The following CDH12 variants were observed in gnomAD, a reference collection of about 807,000 sequenced individuals.
CDH12 encodes the protein cadherin 12, also known as cadherin-12.
Under a neutral mutation model 74.1 loss-of-function variants are expected in CDH12, and 41 were observed. The ratio of observed to expected loss-of-function variants is 0.55; its 90% CI spans 0.43 to 0.72. The LOEUF is 0.72. CDH12 is among the 30% of genes least tolerant of loss of function. CDH12 has a pLI of 0.00. For synonymous variants in CDH12, 399 were observed against 355.0 expected (o/e 1.12, Z -1.39); for missense variants, 945 against 977.2 (o/e 0.97, Z 0.44).
intron 6 of CDH12, among the ~76,000 whole-genome samples, chr5:21,906,121 A>G (rs1753630459): frequency 6.6e-6 from 1 of 152,166 alleles, no homozygotes; most frequent in Admixed American, 6.6e-5. Flanking sequence ...TATCTAAATT[A>G]TTTTTAAAGA....
At chr5:22,643,730 T>C (rs1048076172) in intron 1 of CDH12, among the ~76,000 whole-genome samples, 1 of 136,530 alleles carries the variant, frequency 7.3e-6, no homozygotes, top group Non-Finnish European at 1.6e-5. Context: ...GATTTTAAGG[T>C]ATCTTTTTTT....
intron 8 of CDH12, among the ~76,000 whole-genome samples, chr5:21,841,805 C>A (rs886762147): frequency 1.6e-4 from 22 of 138,954 alleles, no homozygotes; most frequent in Non-Finnish European, 3.3e-4. Flanking sequence ...GGGAATTGAA[C>A]AATGAGAACA....
At chr5:22,528,478 G>A (rs892771100) in intron 1 of CDH12, among the ~76,000 whole-genome samples, 1 of 152,056 alleles carries the variant, frequency 6.6e-6, no homozygotes, top group Non-Finnish European at 1.5e-5. Flanking sequence ...AACTTGCATT[G>A]TAATTCAGAA....
At chr5:22,743,535 A>G (rs938067552) in intron 1 of CDH12, among the ~76,000 whole-genome samples, 5 of 152,026 alleles carry the variant, frequency 3.3e-5, no homozygotes, top group Admixed American at 1.3e-4. Context: ...GATTTTTAGC[A>G]TTCTCATTTG....
At chr5:22,454,307 T>A (rs747756113) in intron 2 of CDH12, among the ~76,000 whole-genome samples, 1 of 152,180 alleles carries the variant, frequency 6.6e-6, no homozygotes, top group Non-Finnish European at 1.5e-5. Context: ...TTTTACTGAA[T>A]GTAAGACTAC....
chr5:21,877,129 TGAG>T (rs1380817655), intron 6 of CDH12, among the ~76,000 whole-genome samples: 2 of 151,886 alleles, frequency 1.3e-5, no homozygotes, highest in South Asian at 2.1e-4. Context: ...CTTGAACCCA[TGAG>T]GAGAAGGTTG....
intron 4 of CDH12, among the ~76,000 whole-genome samples, chr5:22,097,338 C>G (rs1290349165): frequency 2.0e-5 from 3 of 152,206 alleles, no homozygotes; most frequent in Non-Finnish European, 4.4e-5. Flanking sequence ...CCGATCGCCT[C>G]AGAAGCCCCC....
At chr5:22,112,377 C>T (rs370734849) in intron 4 of CDH12, among the ~76,000 whole-genome samples, 14 of 152,218 alleles carry the variant, frequency 9.2e-5, no homozygotes, top group African/African-American at 3.4e-4. Flanking sequence ...CATACGCACA[C>T]ACATTTCTCT....
intron 2 of CDH12, among the ~76,000 whole-genome samples, chr5:22,466,067 A>C (rs1246239056): frequency 6.6e-6 from 1 of 152,054 alleles, no homozygotes; most frequent in African/African-American, 2.4e-5. Context: ...TTTTATTCTT[A>C]TCTAAATTCA....
intron 3 of CDH12, among the ~76,000 whole-genome samples, chr5:22,307,070 A>T (rs1425886740): frequency 6.6e-6 from 1 of 152,136 alleles, no homozygotes; most frequent in Non-Finnish European, 1.5e-5. Flanking sequence ...GGTAAAGCTG[A>T]TTCAAAACAA....
chr5:22,611,412 A>G (rs1459662953), intron 1 of CDH12, among the ~76,000 whole-genome samples: 1 of 152,154 alleles, frequency 6.6e-6, no homozygotes, highest in Non-Finnish European at 1.5e-5. Context: ...CCTTCTTAGC[A>G]TCACCCTGTT....
chr5:21,837,473 T>G (rs1579806309), intron 8 of CDH12, among the ~76,000 whole-genome samples: 1 of 151,974 alleles, frequency 6.6e-6, no homozygotes, highest in South Asian at 2.1e-4. Flanking sequence ...GAAAGGTTTT[T>G]TTTTTTTTTT....
intron 3 of CDH12, among the ~76,000 whole-genome samples, chr5:22,394,274 T>C (rs987431922): frequency 2.0e-5 from 3 of 152,170 alleles, no homozygotes; most frequent in Non-Finnish European, 2.9e-5. Flanking sequence ...TCTAATGATA[T>C]GAATCACTGT....
At chr5:21,883,054 T>C in intron 6 of CDH12, 1 of 1,610,756 alleles carries the variant, frequency 6.2e-7, no homozygotes, top group Non-Finnish European at 8.5e-7. Flanking sequence ...ATTGCTGAAC[T>C]TAAAAAGCAG....
At chr5:21,941,027 A>G (rs1755306943) in intron 6 of CDH12, among the ~76,000 whole-genome samples, 1 of 152,226 alleles carries the variant, frequency 6.6e-6, no homozygotes, top group Non-Finnish European at 1.5e-5. Flanking sequence ...AAGACTTCCA[A>G]GCTTTGAATA....
chr5:21,997,417 A>C (rs1736360570), intron 5 of CDH12, among the ~76,000 whole-genome samples: 1 of 152,124 alleles, frequency 6.6e-6, no homozygotes, highest in African/African-American at 2.4e-5. Flanking sequence ...GTGGGGCATA[A>C]AATTTTATGA....
chr5:22,677,325 G>A (rs1393241760), intron 1 of CDH12, among the ~76,000 whole-genome samples: 1 of 152,090 alleles, frequency 6.6e-6, no homozygotes, highest in African/African-American at 2.4e-5. Context: ...CAGAGCCTGG[G>A]AAGTCAAAGA....
chr5:22,529,006 C>A (rs988441107), intron 1 of CDH12, among the ~76,000 whole-genome samples: 1 of 109,322 alleles, frequency 9.1e-6, no homozygotes, highest in Non-Finnish European at 1.9e-5. Context: ...GAAACAGAAC[C>A]AATAGAATGT....
intron 3 of CDH12, among the ~76,000 whole-genome samples, chr5:22,343,101 CGCCTCA>C (rs1197228143): frequency 2.6e-5 from 4 of 151,686 alleles, no homozygotes; most frequent in Non-Finnish European, 5.9e-5. Context: ...GTGAGCTGCC[CGCCTCA>C]GCCTCCCAAA....
Sources: allele counts gnomAD v4.1 joint callset (sites outside exome capture counted in the v4.1 genomes callset), GRCh38; gene constraint gnomAD v4.1.1; transcripts MANE v1.5; gene names NCBI Gene and HGNC (gene_info 2026-07-23, HGNC 2026-07-21).